The following PRRG1 variants were observed in gnomAD, a reference collection of about 807,000 sequenced individuals.
PRRG1 encodes transmembrane gamma-carboxyglutamic acid protein 1.
PRRG1 carries 5 observed loss-of-function variants against 11.8 expected under a neutral mutation model. The ratio of observed to expected loss-of-function variants is 0.42; its 90% CI spans 0.22 to 0.89. The LOEUF is 0.89. Among genes scored for constraint, PRRG1 ranks in the 40% least tolerant of loss-of-function variants. PRRG1 has a pLI of 0.28. For missense variants in PRRG1, 155 were observed against 166.1 expected (o/e 0.93, Z 0.37); for synonymous variants, 66 against 60.4 (o/e 1.09, Z -0.43).
intron 1 of PRRG1, among the ~76,000 whole-genome samples, chrX:37,351,108 T>A (rs1556364742): frequency 9.0e-6 from 1 of 111,626 alleles, no homozygotes; most frequent in African/African-American, 3.3e-5. Flanking sequence ...CCTCAGTCTT[T>A]TGTGTTACCC....
intron 3 of PRRG1, among the ~76,000 whole-genome samples, chrX:37,450,703 A>C (rs952256402): frequency 1.2e-4 from 14 of 112,060 alleles, no homozygotes; most frequent in African/African-American, 4.5e-4. Flanking sequence ...AAATAGAGTA[A>C]AAGGAAGTGG....
chrX:37,371,049 G>A (rs1157773179), intron 1 of PRRG1, among the ~76,000 whole-genome samples: 3 of 111,857 alleles, frequency 2.7e-5, no homozygotes, highest in Admixed American at 1.9e-4. Context: ...GTCAGGGAAG[G>A]CCTGAAGCTT....
intron 2 of PRRG1, among the ~76,000 whole-genome samples, chrX:37,421,477 G>A (rs1556387025): frequency 1.8e-5 from 2 of 111,548 alleles, no homozygotes. Context: ...AGGAGAAAGA[G>A]GCAATTAAGG....
At position 37,450,365 on chromosome X, in the gene PRRG1, C is replaced by T. The variant is rs972269889; in HGVS notation, c.172-2771C>T. Among the ~76,000 whole-genome samples the T allele has an allele frequency of 5.5e-5, 6 of 108,795 alleles. No individual in the cohort carries two copies. In the East Asian group the frequency reaches 1.7e-3, roughly 31 times the overall value. The allele number at this position is 108,795 out of a possible 115,157, so 94.5% of individuals were successfully genotyped here. On this transcript the variant is annotated intron_variant, in intron 3 of 3. Transcript: ENST00000378628. ...TTATGTGTTAAAGATTAAGTTACTA[C>T]CTGTAAAATTAAAATCTGGTTTACT...
intron 1 of PRRG1, among the ~76,000 whole-genome samples, chrX:37,401,612 A>G (rs1556380301): frequency 1.8e-5 from 2 of 110,839 alleles, no homozygotes; most frequent in African/African-American, 6.6e-5. Context: ...CCTATTCAAC[A>G]TAGTGTTGGA....
chrX:37,416,594 A>G (rs1477850139), intron 2 of PRRG1, among the ~76,000 whole-genome samples: 4 of 112,052 alleles, frequency 3.6e-5, no homozygotes, highest in Non-Finnish European at 7.5e-5. Flanking sequence ...AGAACTAGCT[A>G]TCTTTGGAGT....
chrX:37,404,656 C>G (rs116008173), intron 1 of PRRG1, among the ~76,000 whole-genome samples: 4,199 of 110,883 alleles, frequency 0.038, 200 homozygotes, highest in African/African-American at 0.13. Flanking sequence ...ACCCTCCACC[C>G]CAATTCTGCC....
chrX:37,381,983 T>G (rs1931167317), intron 1 of PRRG1, among the ~76,000 whole-genome samples: 1 of 111,706 alleles, frequency 9.0e-6, no homozygotes, highest in Admixed American at 9.5e-5. Flanking sequence ...ATCTTGGCCC[T>G]TTCTTCTCAA....
chrX:37,368,564 G>A (rs1363554734), intron 1 of PRRG1, among the ~76,000 whole-genome samples: 1 of 111,623 alleles, frequency 9.0e-6, no homozygotes, highest in Non-Finnish European at 1.9e-5. Context: ...TATTTAGAAT[G>A]AATGTCTTAT....
chrX:37,383,993 C>A (rs1351284142), intron 1 of PRRG1, among the ~76,000 whole-genome samples: 6 of 108,469 alleles, frequency 5.5e-5, no homozygotes, highest in African/African-American at 2.0e-4. Flanking sequence ...GCACCTAATG[C>A]CATAGTGCAT....
chrX:37,420,899 T>TAAAC (rs1932644786), intron 2 of PRRG1, among the ~76,000 whole-genome samples: 1 of 109,739 alleles, frequency 9.1e-6, no homozygotes, highest in Non-Finnish European at 1.9e-5. Flanking sequence ...AATAAATAAA[T>TAAAC]AAACTAAGGC....
At chrX:37,416,896 C>T (rs782614681) in intron 2 of PRRG1, among the ~76,000 whole-genome samples, 12 of 111,753 alleles carry the variant, frequency 1.1e-4, no homozygotes, top group Non-Finnish European at 2.3e-4. Context: ...CGCCATTTCT[C>T]TCTATGTCCT....
At chrX:37,440,331 C>T (rs1166786887) in intron 3 of PRRG1, among the ~76,000 whole-genome samples, 1 of 111,568 alleles carries the variant, frequency 9.0e-6, no homozygotes, top group Non-Finnish European at 1.9e-5. Context: ...GAGAAGAAAA[C>T]CTAATAGAAC....
chrX:37,398,637 C>G (rs1346165486), intron 1 of PRRG1, among the ~76,000 whole-genome samples: 1 of 112,568 alleles, frequency 8.9e-6, no homozygotes, highest in African/African-American at 3.2e-5. Flanking sequence ...CAGAGAATGA[C>G]TTTGACGAGT....
At chrX:37,403,085 A>G (rs1417623099) in intron 1 of PRRG1, among the ~76,000 whole-genome samples, 8 of 109,301 alleles carry the variant, frequency 7.3e-5, no homozygotes, top group African/African-American at 2.7e-4. Flanking sequence ...TTCCTCAGGG[A>G]TCTAGAACTA....
At chrX:37,408,933 A>G (rs1394924767) in intron 2 of PRRG1, among the ~76,000 whole-genome samples, 3 of 111,480 alleles carry the variant, frequency 2.7e-5, no homozygotes, top group African/African-American at 9.8e-5. Context: ...AGGGACTGTT[A>G]GGTGCTTAGT....
At chrX:37,442,871 A>G (rs1933011297) in intron 3 of PRRG1, among the ~76,000 whole-genome samples, 1 of 111,507 alleles carries the variant, frequency 9.0e-6, no homozygotes, top group Admixed American at 9.5e-5. Context: ...TCCTGTTTTT[A>G]TTCTTTCAAT....
intron 1 of PRRG1, among the ~76,000 whole-genome samples, chrX:37,391,287 C>T (rs1931522799): frequency 1.8e-5 from 2 of 111,204 alleles, no homozygotes; most frequent in African/African-American, 6.5e-5. Flanking sequence ...TATTTTTTCT[C>T]TTTTTCTGAC....
chrX:37,360,278 C>A (rs782742848), intron 1 of PRRG1, among the ~76,000 whole-genome samples: 1 of 112,077 alleles, frequency 8.9e-6, no homozygotes, highest in Non-Finnish European at 1.9e-5. Flanking sequence ...CTAATGTATG[C>A]ATTCAAGCTA....
Sources: gnomAD v4.1 joint callset for allele counts (sites outside exome capture counted in the v4.1 genomes callset) on GRCh38, gnomAD v4.1.1 for gene constraint, MANE v1.5 for transcripts, NCBI Gene and HGNC (gene_info 2026-07-23, HGNC 2026-07-21) for gene names.